The following SPTBN4 variants were observed in gnomAD, a reference collection of about 807,000 sequenced individuals.
SPTBN4 encodes the protein spectrin beta chain, non-erythrocytic 4.
Under a neutral mutation model 277.8 loss-of-function variants are expected in SPTBN4, and 96 were observed. The ratio of observed to expected loss-of-function variants is 0.35; its 90% CI spans 0.29 to 0.41. The LOEUF (loss-of-function observed/expected upper bound fraction) is 0.41, where lower values mean the gene tolerates loss of function less well. Among genes scored for constraint, SPTBN4 ranks in the 10% least tolerant of loss-of-function variants. SPTBN4 has a pLI of 1.00. For synonymous variants in SPTBN4, 1,481 were observed against 1,580.3 expected, an observed-to-expected ratio of 0.94 and a Z score of 1.49; for missense variants, 3,006 against 3,595.7, an observed-to-expected ratio of 0.84 and a Z score of 4.19.
At chr19:40,505,264 G>A (rs990191735) in intron 12 of SPTBN4, among the ~76,000 whole-genome samples, 7 of 149,620 alleles carry the variant, frequency 4.7e-5, no homozygotes, top group Non-Finnish European at 8.9e-5. Flanking sequence ...GGTGGTGTGC[G>A]CTTGTAGTCC....
intron 2 of SPTBN4, among the ~76,000 whole-genome samples, chr19:40,481,436 G>C (rs1449197926): frequency 6.6e-6 from 1 of 152,082 alleles, no homozygotes; most frequent in Non-Finnish European, 1.5e-5. Flanking sequence ...CAGAGATTCA[G>C]TTACTGTGCA....
At chr19:40,509,176 C>G (rs1381111247) in intron 13 of SPTBN4, among the ~76,000 whole-genome samples, 2 of 151,208 alleles carry the variant, frequency 1.3e-5, no homozygotes, top group Admixed American at 6.6e-5. Context: ...CCCGCTTCCA[C>G]CTCCCAGAGT....
At position 40,472,587 on chromosome 19, in the gene SPTBN4, C is replaced by G. The variant is rs2079897158; in HGVS notation, c.-15-20C>G. ...AATGAGACTTGATCCTAGACCTAAC[C>G]TACCTCTCCCTATGTCCAGGCCTCA... On this transcript the variant is annotated intron_variant, in intron 1 of 35. Transcript: ENST00000598249. The G allele has an allele frequency of 6.3e-7, 1 of 1,580,234 alleles. No individual in the cohort carries two copies. Among genetic ancestry groups the G allele is most frequent in the African/African-American group, 1.3e-5 (1 of 74,160 alleles).
At chr19:40,504,204 G>A in intron 12 of SPTBN4, 72 bp downstream of exon 12, 1 of 1,485,128 alleles carries the variant, frequency 6.7e-7, no homozygotes, top group East Asian at 2.3e-5. Flanking sequence ...TGAAAGAGTT[G>A]TCAGACAGCT....
At position 40,484,677 on chromosome 19, in the gene SPTBN4, T is replaced by C. The variant is rs182841265; in HGVS notation, c.170-3020T>C. On this transcript the variant is annotated intron_variant, in intron 2 of 35. Coordinates refer to ENST00000598249, the MANE Select transcript of SPTBN4 (RefSeq NM_020971.3). ...GCGAGGTGGCTCACGCCTGTAATCCTAGCACTTTGGGAGGCCAAGGGGGGT... is the reference window on the plus strand; with the variant it reads ...GCGAGGTGGCTCACGCCTGTAATCCCAGCACTTTGGGAGGCCAAGGGGGGT... Among the ~76,000 whole-genome samples, 899 of 151,950 alleles carry C rather than the reference T, an allele frequency of 5.9e-3. 4 individuals carry two copies. Among genetic ancestry groups the C allele is most frequent in the African/African-American group, 0.019 (769 of 41,448 alleles).
chr19:40,569,663 C>G lies in SPTBN4; in HGVS notation c.6963C>G (p.Ala2321=), dbSNP rs1254266572. ...TCTGTCCCCCATCCCCCAGGAAGGC[C>G]ACCCTGGCTGACATTGTGGAACAGC... ...PIRGDLVKGK[A]TLADIVEQLQ... is the part of the protein sequence containing the mutation. Residue 2321 remains alanine (A), a synonymous_variant, in exon 32 of 36, where the codon GCC becomes GCG. Transcript: ENST00000598249. 2 of 1,612,640 alleles carry G rather than the reference C, an allele frequency of 1.2e-6. No individual in the cohort carries two copies. The highest frequency in any genetic ancestry group is 1.7e-6 in the Non-Finnish European group (2 of 1,179,502).
At position 40,572,288 on chromosome 19, in the gene SPTBN4, G is replaced by A. The variant is rs139049712; in HGVS notation, c.7494-50G>A. Reference sequence around the variant, plus strand: ...CCTGGGGGACACTTGGTGGGCAGGTGGGCTGGGCCCCTTCCCCAGATCTCT... The same window carrying A: ...CCTGGGGGACACTTGGTGGGCAGGTAGGCTGGGCCCCTTCCCCAGATCTCT... On this transcript the variant is annotated intron_variant, in intron 34 of 35. Transcript: ENST00000598249. 973 of 1,611,270 alleles carry A rather than the reference G, an allele frequency of 6.0e-4. 7 individuals carry two copies. The East Asian group carries it at 0.019, about 32-fold the overall frequency.
At chr19:40,544,429 A>T (rs1322237338) in intron 20 of SPTBN4, among the ~76,000 whole-genome samples, 22 of 117,216 alleles carry the variant, frequency 1.9e-4, no homozygotes, top group Admixed American at 5.8e-4. Flanking sequence ...GGCATGAGCC[A>T]TTGTGCCCGG....
In SPTBN4 at chr19:40,560,437, C is replaced by T; in HGVS notation, c.5915+34C>T. The T allele has an allele frequency of 6.2e-7, 1 of 1,613,268 alleles. No homozygotes were observed. Among genetic ancestry groups the T allele is most frequent in the Non-Finnish European group, 8.5e-7 (1 of 1,179,576 alleles). On this transcript the variant is annotated intron_variant, in intron 27 of 35. Transcript: ENST00000598249. This position sits in a 1 kb window ranked among gnomAD's most constrained non-coding sequence, Gnocchi z 5.2. ...CATCCCTCCTCGGGCTTCCTGCCTCCCCCTGGTGGCCTACCCCAGCCACCC... is the reference window on the plus strand; with the variant it reads ...CATCCCTCCTCGGGCTTCCTGCCTCTCCCTGGTGGCCTACCCCAGCCACCC...
intron 7 of SPTBN4, among the ~76,000 whole-genome samples, chr19:40,500,804 G>A (rs1046007372): frequency 2.0e-5 from 3 of 151,446 alleles, no homozygotes; most frequent in South Asian, 2.1e-4. Context: ...CCAAGATCAC[G>A]CCATTGCACT....
rs76311350 is a variant in SPTBN4 at position 40,502,971 on chromosome 19, G to A, written c.1362+38G>A. 1.8e-4 allele frequency: 292 copies of A among 1,602,818 alleles called. 1 individual carries two copies. In the East Asian group the frequency reaches 6.2e-3, roughly 34 times the overall value. ...GGGCTTGGCTCCAGGGTAAAGGGAC[G>A]GAGGGCGGGGCTGATGGTCCTGGGA... On this transcript the variant is annotated intron_variant, in intron 11 of 35. Transcript: ENST00000598249. This position sits in a 1 kb window ranked among gnomAD's most constrained non-coding sequence, Gnocchi z 4.9.
At chr19:40,531,464 GTTTT>G (rs71173645) in intron 18 of SPTBN4, among the ~76,000 whole-genome samples, 252 of 40,828 alleles carry the variant, frequency 6.2e-3, no homozygotes, top group African/African-American at 6.8e-3. Flanking sequence ...TCCAGTGTTT[GTTTT>G]TTTTTTTTTT....
At chr19:40,512,080 G>A (rs530735678) in intron 13 of SPTBN4, among the ~76,000 whole-genome samples, 106 of 152,286 alleles carry the variant, frequency 7.0e-4, no homozygotes, top group Admixed American at 2.4e-3. Context: ...CCGAGATCGC[G>A]CTACTGCACT....
At chr19:40,526,328 T>C (rs2080591604) in intron 17 of SPTBN4, among the ~76,000 whole-genome samples, 2 of 152,096 alleles carry the variant, frequency 1.3e-5, no homozygotes, top group African/African-American at 4.8e-5. Flanking sequence ...AGAGCCACCA[T>C]GTCCAACTAA....
In SPTBN4 at chr19:40,557,379, T is replaced by C. The variant is rs753871831; in HGVS notation, c.5646T>C (p.His1882=). 23 of 1,583,162 alleles carry C rather than the reference T, an allele frequency of 1.5e-5. No homozygotes were observed. The Admixed American group carries it at 3.3e-4, about 23-fold the overall frequency. The change falls in exon 26 of 36, where the codon CAT becomes CAC. Residue 1882 remains histidine (H), a synonymous_variant. Transcript: ENST00000598249. ...SMQRTLRAFE[H]DLQLLVSQVR... is the part of the protein sequence containing the mutation. Reference sequence around the variant, plus strand: ...AGCGGACCCTGAGAGCCTTTGAGCATGACCTGCAGCTCCTCGTGTCCCAGG... The same window carrying C: ...AGCGGACCCTGAGAGCCTTTGAGCACGACCTGCAGCTCCTCGTGTCCCAGG...
At chr19:40,506,482 G>T in intron 13 of SPTBN4, 96 bp downstream of exon 13, 4 of 1,468,500 alleles carry the variant, frequency 2.7e-6, no homozygotes, top group Non-Finnish European at 3.6e-6. Flanking sequence ...GAAAGAGTGA[G>T]CTCCTTGTCC....
At chr19:40,544,262 C>T (rs559087338) in intron 20 of SPTBN4, among the ~76,000 whole-genome samples, 44 of 147,352 alleles carry the variant, frequency 3.0e-4, no homozygotes, top group African/African-American at 1.1e-3. Context: ...CCTGCCTCAG[C>T]CTCCCAAGTA....
chr19:40,513,999 T>C (rs187945187), intron 14 of SPTBN4, among the ~76,000 whole-genome samples: 41 of 152,328 alleles, frequency 2.7e-4, no homozygotes, highest in African/African-American at 9.1e-4. Context: ...AAAATAGCTC[T>C]GACTCTTGTG....
chr19:40,476,052 AT>A (rs1247660247), intron 2 of SPTBN4, among the ~76,000 whole-genome samples: 9 of 151,538 alleles, frequency 5.9e-5, no homozygotes, highest in African/African-American at 2.2e-4. Flanking sequence ...TCTCAAAACA[AT>A]AAGAAACCTG....
Sources: allele counts gnomAD v4.1 joint callset (sites outside exome capture counted in the v4.1 genomes callset), GRCh38; gene constraint gnomAD v4.1.1; non-coding constraint Gnocchi (gnomAD v3.1); transcripts MANE v1.5; gene names NCBI Gene and HGNC (gene_info 2026-07-23, HGNC 2026-07-21).